Variants in PDHX observed in about 807,000 individuals in gnomAD.
PDHX encodes pyruvate dehydrogenase complex component X, also known as pyruvate dehydrogenase protein X component, mitochondrial.
In PDHX, 33 loss-of-function variants were observed where a neutral mutation model predicts 55.3. That is an observed-to-expected ratio of 0.60 (90% CI 0.45 to 0.80). The LOEUF (loss-of-function observed/expected upper bound fraction) is 0.80, where lower values mean the gene tolerates loss of function less well. Ranked by LOEUF, PDHX falls within the 30% of genes least tolerant of loss-of-function variation. The probability of loss-of-function intolerance (pLI) is 0.00; values close to 1 mark genes in which losing one functional copy is unlikely to be tolerated. For missense variants in PDHX, 622 were observed against 619.9 expected, an observed-to-expected ratio of 1.00 and a Z score of -0.04; for synonymous variants, 226 against 219.4, an observed-to-expected ratio of 1.03 and a Z score of -0.27.
At chr11:34,921,996 A>G (rs1341106014) in intron 1 of PDHX, among the ~76,000 whole-genome samples, 2 of 152,238 alleles carry the variant, frequency 1.3e-5, no homozygotes, top group Non-Finnish European at 2.9e-5. Flanking sequence ...AGGTTAGTGG[A>G]TAAGTGGATG....
At chr11:34,991,906 CAAAAAAAA>C (rs1169109545) in intron 9 of PDHX, among the ~76,000 whole-genome samples, 4 of 37,310 alleles carry the variant, frequency 1.1e-4, no homozygotes, top group African/African-American at 2.5e-4. Flanking sequence ...TGAGACTTCT[CAAAAAAAA>C]AAAAAAAAAA....
intron 2 of PDHX, among the ~76,000 whole-genome samples, chr11:34,943,713 T>G (rs1433238265): frequency 6.6e-6 from 1 of 152,226 alleles, no homozygotes; most frequent in Non-Finnish European, 1.5e-5. Flanking sequence ...TGCCAGTTTC[T>G]CTGAAGTTTC....
chr11:34,947,355 A>G, intron 2 of PDHX, 151 bp from the exon 3 acceptor site: 1 of 604,180 alleles, frequency 1.7e-6, no homozygotes, highest in Admixed American at 2.6e-5. Context: ...ACACACAAAC[A>G]CCCACACATA....
chr11:34,918,383 G>A (rs146678012), intron 1 of PDHX, among the ~76,000 whole-genome samples: 2 of 151,992 alleles, frequency 1.3e-5, no homozygotes, highest in East Asian at 1.9e-4. Context: ...GTTTCATTGA[G>A]CTATGATCCT....
chr11:34,947,745 T>G (rs1391166835), intron 3 of PDHX, 139 bp downstream of exon 3: 1 of 658,956 alleles, frequency 1.5e-6, no homozygotes, highest in Non-Finnish European at 2.7e-6. Context: ...TTAGTTCAAG[T>G]GTTTAAAATG....
intron 9 of PDHX, among the ~76,000 whole-genome samples, chr11:34,990,252 G>A (rs1855730061): frequency 6.6e-6 from 1 of 152,168 alleles, no homozygotes; most frequent in African/African-American, 2.4e-5. Flanking sequence ...GGCATTCGAT[G>A]TATTGTAGAA....
intron 3 of PDHX, among the ~76,000 whole-genome samples, chr11:34,949,863 G>T (rs900329606): frequency 6.6e-6 from 1 of 152,034 alleles, no homozygotes; most frequent in African/African-American, 2.4e-5. Flanking sequence ...TTTATTGATA[G>T]ATTTTTATTG....
At chr11:34,939,653 G>A (rs1363102941) in intron 2 of PDHX, among the ~76,000 whole-genome samples, 1 of 152,102 alleles carries the variant, frequency 6.6e-6, no homozygotes, top group Non-Finnish European at 1.5e-5. Flanking sequence ...CTAAGGTACG[G>A]AATATCCTGG....
intron 8 of PDHX, among the ~76,000 whole-genome samples, chr11:34,981,269 A>AGGTAGTTT (rs1254565619): frequency 6.6e-6 from 1 of 151,782 alleles, no homozygotes; most frequent in African/African-American, 2.4e-5. Context: ...TTTGTCCTTG[A>AGGTAGTTT]GGTAGTTTGC....
intron 9 of PDHX, among the ~76,000 whole-genome samples, chr11:34,985,171 G>T (rs141236521): frequency 3.9e-5 from 6 of 152,232 alleles, no homozygotes; most frequent in Admixed American, 3.3e-4. Context: ...GGCCAGGCGC[G>T]GTGTCTCACG....
chr11:34,946,527 C>CT lies in PDHX; in HGVS notation c.242-978dup, dbSNP rs1335076331. On this transcript the variant is annotated intron_variant, in intron 2 of 10. Coordinates refer to ENST00000227868, the MANE Select transcript of PDHX (RefSeq NM_003477.3). The stretch of plus-strand genomic sequence containing the variant: ...GAAAGTTTATGTTTTAATGTCTTCC[C>CT]TCCTACGCAGTCCCCCCTCGATCCT... Among the ~76,000 whole-genome samples, 3 of 152,120 alleles carry CT rather than the reference C, an allele frequency of 2.0e-5. No individual in the cohort carries two copies. The South Asian group carries it at 6.2e-4, about 31-fold the overall frequency.
chr11:34,938,091 AC>A (rs1854378852), intron 2 of PDHX, among the ~76,000 whole-genome samples: 2 of 152,238 alleles, frequency 1.3e-5, no homozygotes, highest in African/African-American at 4.8e-5. Context: ...AACCCCCCAA[AC>A]CTCAAGGGTG....
At chr11:34,936,287 T>C (rs1187809955) in intron 2 of PDHX, among the ~76,000 whole-genome samples, 2 of 152,186 alleles carry the variant, frequency 1.3e-5, no homozygotes, top group African/African-American at 4.8e-5. Flanking sequence ...CCAAGTCTGT[T>C]TGGGCATATT....
chr11:34,926,160 C>T (rs1004140747), intron 1 of PDHX, among the ~76,000 whole-genome samples: 2 of 152,072 alleles, frequency 1.3e-5, no homozygotes, highest in Non-Finnish European at 2.9e-5. Flanking sequence ...GACAAACGAT[C>T]CTTTAAAACA....
intron 3 of PDHX, among the ~76,000 whole-genome samples, chr11:34,956,589 G>T (rs1854910486): frequency 6.6e-6 from 1 of 152,060 alleles, no homozygotes; most frequent in Non-Finnish European, 1.5e-5. Flanking sequence ...AAGTAAATTA[G>T]AATTAGCCCT....
chr11:34,936,787 T>TCTTTC (rs1554985030), intron 2 of PDHX, among the ~76,000 whole-genome samples: 3 of 105,172 alleles, frequency 2.9e-5, no homozygotes, highest in East Asian at 3.9e-4. Context: ...TCTTTTCTTT[T>TCTTTC]TTTTTTTTTT....
At chr11:34,934,602 T>C (rs1854261845) in intron 2 of PDHX, among the ~76,000 whole-genome samples, 1 of 118,062 alleles carries the variant, frequency 8.5e-6, no homozygotes, top group African/African-American at 3.2e-5. Context: ...TTTTGAGACA[T>C]GGTCTCACTC....
Position 34,934,787 on chromosome 11 carries a change from C to T in PDHX, c.241+3303C>T, listed in dbSNP as rs529715238. Among the ~76,000 whole-genome samples, 4 of 151,830 alleles carry T rather than the reference C, an allele frequency of 2.6e-5. No homozygotes were observed. In the South Asian group the frequency reaches 8.3e-4, roughly 32 times the overall value. ...AGAGACAGGGTCTCCCTGTGTTGCC[C>T]ACGCTGGTTTTGAACTCCTGGGCTC... On this transcript the variant is annotated intron_variant, in intron 2 of 10. Transcript: ENST00000227868.
At position 34,960,594 on chromosome 11, in the gene PDHX, G is replaced by A. The variant is rs7924969; in HGVS notation, c.641+76G>A. 0.053 allele frequency: 46,400 copies of A among 876,750 alleles called. 3,114 individuals are homozygous for A. Among genetic ancestry groups the A allele is most frequent in the African/African-American group, 0.27 (15,933 of 59,124 alleles). The allele number at this position is 876,750 out of a possible 1,614,324, so 54.3% of individuals were successfully genotyped here. ...GTTTTTTTGAAAGAAAATAAAAAGAGCTTATTCAGTCTTAAGATTTAAAAG... is the reference window on the plus strand; with the variant it reads ...GTTTTTTTGAAAGAAAATAAAAAGAACTTATTCAGTCTTAAGATTTAAAAG... On this transcript the variant is annotated intron_variant, in intron 5 of 10. Transcript: ENST00000227868.
Sources: gnomAD v4.1 joint callset for allele counts (sites outside exome capture counted in the v4.1 genomes callset) on GRCh38, gnomAD v4.1.1 for gene constraint, MANE v1.5 for transcripts, NCBI Gene and HGNC (gene_info 2026-07-23, HGNC 2026-07-21) for gene names.